Variants in PITPNM2 observed in about 807,000 individuals in gnomAD.
PITPNM2 encodes the protein phosphatidylinositol transfer protein membrane associated 2, also known as membrane-associated phosphatidylinositol transfer protein 2.
A neutral mutation model predicts 132.2 loss-of-function variants in PITPNM2; 35 were observed. The ratio of observed to expected loss-of-function variants is 0.26; its 90% confidence interval spans 0.20 to 0.35. The LOEUF (loss-of-function observed/expected upper bound fraction) is 0.35, where lower values mean the gene tolerates loss of function less well. PITPNM2 is among the 10% of genes least tolerant of loss of function. The probability of loss-of-function intolerance (pLI) is 1.00; values close to 1 mark genes in which losing one functional copy is unlikely to be tolerated. For missense variants in PITPNM2, 1,332 were observed against 1,912.0 expected (o/e 0.70, Z 5.66); for synonymous variants, 738 against 799.2 (o/e 0.92, Z 1.29).
At chr12:123,030,692 CAA>C (rs36106584) in intron 3 of PITPNM2, among the ~76,000 whole-genome samples, 17 of 104,680 alleles carry the variant, frequency 1.6e-4, no homozygotes, top group Admixed American at 3.1e-4. Flanking sequence ...GACTCCATCT[CAA>C]AAAAAAAAAA....
At chr12:123,096,164 A>T (rs935490399) in intron 2 of PITPNM2, among the ~76,000 whole-genome samples, 4 of 152,056 alleles carry the variant, frequency 2.6e-5, no homozygotes. Context: ...AGGGGGACAG[A>T]CCCCTCCTTT....
rs1319655857 is a variant in PITPNM2 at position 123,010,059 on chromosome 12, T to C, written c.434A>G (p.Lys145Arg). 1 of 1,613,882 alleles carries C rather than the reference T, an allele frequency of 6.2e-7. No individual in the cohort carries two copies. Among genetic ancestry groups the C allele is most frequent in the African/African-American group, 1.3e-5 (1 of 74,908 alleles). The change falls in exon 6 of 26, where the codon AAA (lysine) becomes AGA (arginine). Residue 145 changes from lysine to arginine, a missense_variant. Physicochemically the swap from Lys to Arg is conservative, Grantham distance 26 (BLOSUM62 2). Around this residue, in one of 6 missense-constraint regions of PITPNM2, gnomAD observed 122 missense variants for 209.6 expected, o/e 0.58. Coordinates refer to ENST00000320201, the MANE Select transcript of PITPNM2 (RefSeq NM_020845.3). ...ATACTCGTTGTGGGGCACAGGGTCT[T>C]TGACAATGTCGATGAAGTCTGTGGG... is the stretch of plus-strand genomic sequence containing the variant. ...QLTIDFIDIV[K>R]DPVPHNEYKT...
chr12:123,025,610 T>G (rs1384809354), intron 3 of PITPNM2, among the ~76,000 whole-genome samples: 1 of 152,002 alleles, frequency 6.6e-6, no homozygotes, highest in Non-Finnish European at 1.5e-5. Context: ...TTTTGTATTT[T>G]TACTAGAGAT....
At chr12:122,987,969 A>G in intron 20 of PITPNM2, 68 bp from the exon 21 acceptor site, 2 of 1,393,886 alleles carry the variant, frequency 1.4e-6, no homozygotes, top group East Asian at 2.3e-5. Flanking sequence ...GTTCTGCTCA[A>G]GCTCTGTGGG....
At chr12:123,003,688 C>G (rs2038794161) in intron 8 of PITPNM2, among the ~76,000 whole-genome samples, 1 of 152,254 alleles carries the variant, frequency 6.6e-6, no homozygotes, top group African/African-American at 2.4e-5. Context: ...CTGCTGAGTG[C>G]CTATGGGCTC....
chr12:122,995,106 G>T, intron 14 of PITPNM2, 127 bp from the exon 15 acceptor site: 2 of 1,118,136 alleles, frequency 1.8e-6, no homozygotes, highest in Non-Finnish European at 2.5e-6. Flanking sequence ...CCCTGAGCTG[G>T]ACCACCTGCC....
intron 2 of PITPNM2, among the ~76,000 whole-genome samples, chr12:123,054,894 T>A (rs1165362970): frequency 6.6e-6 from 1 of 151,988 alleles, no homozygotes; most frequent in East Asian, 1.9e-4. Flanking sequence ...TGAAAACCCA[T>A]CTCTACTAAA....
At chr12:123,140,555 T>A (rs534725221) in intron 1 of PITPNM2, among the ~76,000 whole-genome samples, 1 of 152,120 alleles carries the variant, frequency 6.6e-6, no homozygotes, top group East Asian at 1.9e-4. Context: ...ACTGTGCTCT[T>A]TTTAAAAAAA....
intron 2 of PITPNM2, among the ~76,000 whole-genome samples, chr12:123,102,468 G>A (rs1214726003): frequency 6.6e-6 from 1 of 152,174 alleles, no homozygotes; most frequent in Non-Finnish European, 1.5e-5. Context: ...TGATGGGGAC[G>A]ATGAAGTTAA....
At chr12:123,051,297 T>C (rs2040848550) in intron 2 of PITPNM2, among the ~76,000 whole-genome samples, 1 of 152,206 alleles carries the variant, frequency 6.6e-6, no homozygotes, top group South Asian at 2.1e-4. Context: ...TAGAGAGAAG[T>C]ATTAGCCACC....
At chr12:123,035,012 G>T (rs772243768) in intron 2 of PITPNM2, among the ~76,000 whole-genome samples, 18 of 152,296 alleles carry the variant, frequency 1.2e-4, no homozygotes, top group Middle Eastern at 3.4e-3. Context: ...TCCTAACAAG[G>T]TACAGCATCT....
Position 123,097,001 on chromosome 12 carries a change from C to A in PITPNM2, c.-96+13384G>T, listed in dbSNP as rs1033006339. On this transcript the variant is annotated intron_variant, in intron 2 of 25. Coordinates refer to ENST00000320201, the MANE Select transcript of PITPNM2 (RefSeq NM_020845.3). The surrounding 1 kb of genome is among the most constrained non-coding windows in gnomAD (Gnocchi z 4.7). The stretch of plus-strand genomic sequence containing the variant: ...GACTCCCCAGAGTGGGGCCACCCTG[C>A]CATCTCTCTTTATTTTTATTATTAT... Among the ~76,000 whole-genome samples the A allele has an allele frequency of 6.6e-6, 1 of 152,090 alleles. No homozygotes were observed. The highest frequency in any genetic ancestry group is 2.4e-5 in the African/African-American group (1 of 41,424).
chr12:122,989,846 C>T lies in PITPNM2; in HGVS notation c.2672G>A (p.Arg891Lys). The T allele has an allele frequency of 8.6e-7, 1 of 1,165,552 alleles. No homozygotes were observed. Among genetic ancestry groups the T allele is most frequent in the Non-Finnish European group, 1.1e-6 (1 of 905,152 alleles). 72.2% of individuals were successfully genotyped at this position (1,165,552 alleles called of 1,614,324 possible). A position where few individuals can be genotyped will look rare whatever the true frequency, so the allele number is the denominator to read the frequency against. Residue 891 changes from arginine to lysine, a missense_variant, in exon 18 of 26, where the codon AGG becomes AAG. Transcript: ENST00000320201. Reference sequence around the variant, plus strand: ...CCTCTCCAGGCCAGGGCTTGCCTTCCTGGCTGGAGGGTGGGGGCCAGGGGT... The same window carrying T: ...CCTCTCCAGGCCAGGGCTTGCCTTCTTGGCTGGAGGGTGGGGGCCAGGGGT... Reference protein sequence around the residue: ...PTTPGPHPPARKASPGLERAP... With the variant: ...PTTPGPHPPAKKASPGLERAP...
At position 123,002,749 on chromosome 12, in the gene PITPNM2, G is replaced by A. The variant is rs535057924; in HGVS notation, c.1049-1591C>T. ...TAATCATAATTGTACATATTCATGG[G>A]GTACACAGTGATGTTTCAATACACC... On this transcript the variant is annotated intron_variant, in intron 8 of 25. Coordinates refer to ENST00000320201, the MANE Select transcript of PITPNM2 (RefSeq NM_020845.3). Among the ~76,000 whole-genome samples the A allele has an allele frequency of 2.6e-5, 4 of 152,196 alleles. No individual in the cohort carries two copies. The East Asian group carries it at 7.7e-4, about 29-fold the overall frequency.
chr12:123,034,256 C>T lies in PITPNM2; in HGVS notation c.78+257G>A, dbSNP rs1331481731. On this transcript the variant is annotated intron_variant, in intron 3 of 25. Transcript: ENST00000320201. The stretch of plus-strand genomic sequence containing the variant: ...GGGCCAGGGAGATAATGGTGCTGAA[C>T]GCAAGGGCAAGTGTTCGCGTTGTAG... 15 of 499,530 alleles carry T rather than the reference C, an allele frequency of 3.0e-5. No homozygotes were observed. In the South Asian group the frequency reaches 3.2e-4, roughly 11 times the overall value. The allele number at this position is 499,530 out of a possible 1,614,324, so 30.9% of individuals were successfully genotyped here.
chr12:123,041,772 G>A (rs926803383), intron 2 of PITPNM2, among the ~76,000 whole-genome samples: 1 of 152,170 alleles, frequency 6.6e-6, no homozygotes, highest in African/African-American at 2.4e-5. Context: ...AGGCCCTTCA[G>A]GGAGGAAGGC....
chr12:123,066,227 C>G (rs2041407807), intron 2 of PITPNM2, among the ~76,000 whole-genome samples: 1 of 152,106 alleles, frequency 6.6e-6, no homozygotes, highest in South Asian at 2.1e-4. Flanking sequence ...TGCAGGCAGA[C>G]AGCCTGGCCA....
chr12:123,121,361 G>A (rs1239466671), intron 1 of PITPNM2, among the ~76,000 whole-genome samples: 1 of 152,162 alleles, frequency 6.6e-6, no homozygotes, highest in African/African-American at 2.4e-5. Flanking sequence ...GAACAAGACC[G>A]TGTGTCAAAA....
intron 1 of PITPNM2, among the ~76,000 whole-genome samples, chr12:123,129,759 AAC>A (rs1187093746): frequency 6.6e-6 from 1 of 152,016 alleles, no homozygotes; most frequent in Non-Finnish European, 1.5e-5. Context: ...GTACTGGGGG[AAC>A]ACAGAGACAC....
Sources: gnomAD v4.1 joint callset for allele counts (sites outside exome capture counted in the v4.1 genomes callset) on GRCh38, gnomAD v4.1.1 for gene constraint, gnomAD v4.1.1 regional missense constraint, Gnocchi (gnomAD v3.1) non-coding constraint, MANE v1.5 for transcripts, NCBI Gene and HGNC (gene_info 2026-07-23, HGNC 2026-07-21) for gene names.